Variants in COL22A1 observed in about 807,000 individuals in gnomAD.
The protein encoded by COL22A1 is collagen alpha-1(XXII) chain.
Under a neutral mutation model 248.9 loss-of-function variants are expected in COL22A1, and 221 were observed. That is an observed-to-expected ratio of 0.89 (90% CI 0.80 to 0.99). COL22A1 has a LOEUF of 0.99. Ranked by LOEUF, COL22A1 falls within the 50% of genes least tolerant of loss-of-function variation. The pLI is 0.00. For missense variants in COL22A1, 2,240 were observed against 2,179.0 expected (o/e 1.03, Z -0.56); for synonymous variants, 891 against 793.4 (o/e 1.12, Z -2.07).
chr8:138,709,971 C>T (rs1339902413), intron 30 of COL22A1, among the ~76,000 whole-genome samples: 1 of 152,154 alleles, frequency 6.6e-6, no homozygotes, highest in East Asian at 1.9e-4. Flanking sequence ...CTGCCCCACC[C>T]CCATGAAGGA....
intron 1 of COL22A1, among the ~76,000 whole-genome samples, chr8:138,884,475 A>T (rs1824491470): frequency 6.6e-6 from 1 of 152,254 alleles, no homozygotes; most frequent in Non-Finnish European, 1.5e-5. Flanking sequence ...TTGGGCAAAC[A>T]ATCCTCATAA....
At chr8:138,692,758 T>A (rs1378872513) in intron 35 of COL22A1, among the ~76,000 whole-genome samples, 1 of 151,944 alleles carries the variant, frequency 6.6e-6, no homozygotes, top group Non-Finnish European at 1.5e-5. Context: ...GCTTCCTCCT[T>A]GCCTACACTC....
At chr8:138,668,825 G>A (rs1824748390) in intron 41 of COL22A1, among the ~76,000 whole-genome samples, 1 of 152,228 alleles carries the variant, frequency 6.6e-6, no homozygotes, top group Non-Finnish European at 1.5e-5. Flanking sequence ...GGTTCAGTGA[G>A]TCAGGGTTAC....
At chr8:138,772,601 T>C (rs1455916699) in intron 16 of COL22A1, among the ~76,000 whole-genome samples, 1 of 152,232 alleles carries the variant, frequency 6.6e-6, no homozygotes, top group African/African-American at 2.4e-5. Flanking sequence ...TCCATTCACC[T>C]TTTCATACAT....
At chr8:138,710,390 G>T (rs1172353132) in intron 30 of COL22A1, among the ~76,000 whole-genome samples, 1 of 152,114 alleles carries the variant, frequency 6.6e-6, no homozygotes, top group Non-Finnish European at 1.5e-5. Flanking sequence ...TCCAAATATG[G>T]TTATGAAATA....
intron 1 of COL22A1, among the ~76,000 whole-genome samples, chr8:138,903,553 G>GCCC: frequency 6.6e-6 from 1 of 152,234 alleles, no homozygotes; most frequent in Middle Eastern, 3.4e-3. Flanking sequence ...CTGGAGGTAG[G>GCCC]CCCCCAGATG....
At position 138,811,008 on chromosome 8, in the gene COL22A1, G is replaced by A. The variant is rs543993149; in HGVS notation, c.1449+791C>T. On this transcript the variant is annotated intron_variant, in intron 9 of 64. Coordinates refer to ENST00000303045, the MANE Select transcript of COL22A1 (RefSeq NM_152888.3). ...GGGGCCATTGGCTCAGCAGAACTTC[G>A]CAGACACTTTCCCCAGCACAGTTCT... is the stretch of plus-strand genomic sequence containing the variant. 7.2e-5 allele frequency among the ~76,000 whole-genome samples: 11 copies of A among 152,262 alleles called. No homozygotes were observed. The South Asian group carries it at 1.5e-3, about 20-fold the overall frequency.
At chr8:138,751,075 TTAAA>T (rs1296607322) in intron 22 of COL22A1, among the ~76,000 whole-genome samples, 75 of 152,254 alleles carry the variant, frequency 4.9e-4, no homozygotes, top group African/African-American at 1.8e-3. Flanking sequence ...AGGTGCTTAA[TTAAA>T]TTAATTAAAT....
At chr8:138,755,539 G>T (rs575664401) in intron 19 of COL22A1, 28 bp from the exon 20 acceptor site, 3 of 1,613,758 alleles carry the variant, frequency 1.9e-6, no homozygotes, top group Non-Finnish European at 1.7e-6. Context: ...CATTAGCAAA[G>T]GTGCTGGCAT....
intron 30 of COL22A1, among the ~76,000 whole-genome samples, chr8:138,711,050 G>C (rs1210209275): frequency 6.6e-6 from 1 of 152,178 alleles, no homozygotes; most frequent in Non-Finnish European, 1.5e-5. Flanking sequence ...CTGTGGACAA[G>C]GGAAGAACAG....
intron 26 of COL22A1, 91 bp from the exon 27 acceptor site, chr8:138,720,883 A>C: frequency 9.8e-7 from 1 of 1,019,466 alleles, no homozygotes; most frequent in African/African-American, 1.6e-5. Context: ...AAGGAAGAGA[A>C]CTACCTGCAC....
rs1405048013 is a variant in COL22A1 at position 138,809,522 on chromosome 8, C to CTTTTT, written c.1450-1715_1450-1711dup. Among the ~76,000 whole-genome samples the CTTTTT allele has an allele frequency of 6.4e-4, 50 of 77,988 alleles. 1 individual carries two copies. The highest frequency in any genetic ancestry group is 8.3e-4 in the African/African-American group (16 of 19,290). The allele number at this position is 77,988 out of a possible 152,430, so 51.2% of individuals were successfully genotyped here. On this transcript the variant is annotated intron_variant, in intron 9 of 64. Transcript: ENST00000303045. ...TTTCTTTTTCTTCTTCTCTTTTTTT[C>CTTTTT]TTTTTCTTTTTTTTTTGAGACAGAG...
At chr8:138,792,215 CA>C (rs1380173092) in intron 12 of COL22A1, among the ~76,000 whole-genome samples, 1 of 152,174 alleles carries the variant, frequency 6.6e-6, no homozygotes, top group African/African-American at 2.4e-5. Flanking sequence ...CTTCAGGACC[CA>C]ACACTGTCGC....
chr8:138,795,319 A>C (rs995434342), intron 12 of COL22A1, among the ~76,000 whole-genome samples: 1 of 152,144 alleles, frequency 6.6e-6, no homozygotes, highest in African/African-American at 2.4e-5. Context: ...TGCTACACCC[A>C]AACTGCTTTT....
intron 3 of COL22A1, among the ~76,000 whole-genome samples, chr8:138,874,376 C>G (rs963026027): frequency 6.6e-6 from 1 of 152,226 alleles, no homozygotes; most frequent in Non-Finnish European, 1.5e-5. Flanking sequence ...TAACAGCTCC[C>G]TGGTTTTCCT....
chr8:138,813,951 A>G (rs1586810414), intron 7 of COL22A1, among the ~76,000 whole-genome samples: 2 of 152,108 alleles, frequency 1.3e-5, no homozygotes, highest in African/African-American at 4.8e-5. Context: ...TACTTCTATC[A>G]CCTCCTTTAA....
intron 7 of COL22A1, among the ~76,000 whole-genome samples, chr8:138,818,628 C>G (rs1818865621): frequency 6.6e-6 from 1 of 152,172 alleles, no homozygotes; most frequent in Admixed American, 6.5e-5. Flanking sequence ...AGGAGCATCT[C>G]TCTCCATCTG....
intron 10 of COL22A1, among the ~76,000 whole-genome samples, chr8:138,804,229 G>C (rs2131637224): frequency 6.6e-6 from 1 of 152,282 alleles, no homozygotes; most frequent in South Asian, 2.1e-4. Flanking sequence ...CTCTGTGTAG[G>C]GACACGGAGC....
chr8:138,780,665 G>A (rs1237573677), intron 13 of COL22A1, among the ~76,000 whole-genome samples: 1 of 152,166 alleles, frequency 6.6e-6, no homozygotes, highest in Non-Finnish European at 1.5e-5. Context: ...GGATAACAAG[G>A]TTGCCTTGCA....
Sources: allele counts gnomAD v4.1 joint callset (sites outside exome capture counted in the v4.1 genomes callset), GRCh38; gene constraint gnomAD v4.1.1; transcripts MANE v1.5; gene names NCBI Gene and HGNC (gene_info 2026-07-23, HGNC 2026-07-21).